The following CACNA1E variants were observed in gnomAD, a reference collection of about 807,000 sequenced individuals.
CACNA1E encodes calcium voltage-gated channel subunit alpha1 E.
A neutral mutation model predicts 259.2 loss-of-function variants in CACNA1E; 40 were observed. The observed-to-expected ratio is 0.15, with a 90% CI of 0.12 to 0.20. CACNA1E has a LOEUF of 0.20. Among genes scored for constraint, CACNA1E ranks in the 10% least tolerant of loss-of-function variants. The pLI is 1.00. For synonymous variants in CACNA1E, 1,104 were observed against 1,138.5 expected (o/e 0.97, Z 0.61); for missense variants, 1,874 against 3,040.1 (o/e 0.62, Z 9.02).
chr1:181,730,984 A>G (rs1655417902), intron 18 of CACNA1E, among the ~76,000 whole-genome samples, 191 bp from the exon 19 acceptor site: 1 of 152,236 alleles, frequency 6.6e-6, no homozygotes, highest in African/African-American at 2.4e-5. Flanking sequence ...GTATTTGCAC[A>G]TAGCAAGGAA....
intron 2 of CACNA1E, among the ~76,000 whole-genome samples, chr1:181,472,187 G>T (rs1662553023): frequency 1.5e-5 from 2 of 132,106 alleles, no homozygotes; most frequent in Non-Finnish European, 3.2e-5. Flanking sequence ...GAATGAAAAA[G>T]GGAATGAAAC....
At chr1:181,347,791 C>T (rs901740147) in intron 1 of CACNA1E, among the ~76,000 whole-genome samples, 6 of 152,278 alleles carry the variant, frequency 3.9e-5, no homozygotes, top group African/African-American at 1.4e-4. Context: ...AGCCCCTTCA[C>T]CACGAGGAGT....
chr1:181,801,930 C>G lies in CACNA1E; in HGVS notation c.*3096C>G, dbSNP rs1310491363. ...AGGTAAAAGGAGGAGGAAAGGAAAC[C>G]AAGGCAGGGAGATGTTCTAAGTAGG... is the stretch of plus-strand genomic sequence containing the variant. On this transcript the variant is annotated 3_prime_UTR_variant, in exon 48 of 48. Coordinates refer to ENST00000367573, the MANE Select transcript of CACNA1E (RefSeq NM_001205293.3). 1 of 152,012 alleles carries G rather than the reference C, an allele frequency of 6.6e-6. No homozygotes were observed. The highest frequency in any genetic ancestry group is 2.4e-5 in the African/African-American group (1 of 41,420). 9.4% of individuals were successfully genotyped at this position (152,012 alleles called of 1,614,324 possible).
In CACNA1E at chr1:181,711,299, G is replaced by A. The variant is rs147601261; in HGVS notation, c.1171+230G>A. Among the ~76,000 whole-genome samples the A allele has an allele frequency of 7.5e-3, 1,149 of 152,350 alleles. 10 individuals are homozygous for A. The highest frequency in any genetic ancestry group is 0.014 in the Middle Eastern group (4 of 294). On this transcript the variant is annotated intron_variant, in intron 8 of 47. Coordinates refer to ENST00000367573, the MANE Select transcript of CACNA1E (RefSeq NM_001205293.3). ...ACCTTAAGGCAGGCATCTTAGCAAG[G>A]TGAACTGAGTAAAAGTAACATAACC...
chr1:181,756,781 C>A, intron 29 of CACNA1E, 144 bp from the exon 30 acceptor site: 2 of 628,612 alleles, frequency 3.2e-6, no homozygotes, highest in African/African-American at 1.8e-5. Context: ...CAGGATATGA[C>A]AACTTGGGTT....
At chr1:181,567,841 A>G (rs1373744160) in intron 3 of CACNA1E, among the ~76,000 whole-genome samples, 2 of 152,210 alleles carry the variant, frequency 1.3e-5, no homozygotes, top group African/African-American at 4.8e-5. Context: ...TTAGTTGATT[A>G]AAACCTTAAG....
Position 181,562,037 on chromosome 1 carries a change from C to T in CACNA1E, c.513-15729C>T, listed in dbSNP as rs549313725. ...ATGTGCTTATTTATTCTCCTTATCT[C>T]TCATTGCTGAAGTGACCTGTTCACT... On this transcript the variant is annotated intron_variant, in intron 3 of 47. Transcript: ENST00000367573. Among the ~76,000 whole-genome samples, 6 of 152,036 alleles carry T rather than the reference C, an allele frequency of 3.9e-5. No individual in the cohort carries two copies. The South Asian group carries it at 1.0e-3, about 26-fold the overall frequency.
chr1:181,480,315 C>A (rs1419307950), upstream of CACNA1E, among the ~76,000 whole-genome samples: 1 of 152,158 alleles, frequency 6.6e-6, no homozygotes, highest in Non-Finnish European at 1.5e-5. Context: ...GCCATTTATG[C>A]CATTATGTTT....
intron 44 of CACNA1E, among the ~76,000 whole-genome samples, chr1:181,791,043 G>A (rs1349449431): frequency 6.6e-6 from 1 of 152,192 alleles, no homozygotes; most frequent in Non-Finnish European, 1.5e-5. Flanking sequence ...TGCCTGCCAG[G>A]AGGCACAGAA....
intron 2 of CACNA1E, among the ~76,000 whole-genome samples, chr1:181,419,039 C>T (rs1445371205): frequency 6.6e-6 from 1 of 152,136 alleles, no homozygotes; most frequent in African/African-American, 2.4e-5. Flanking sequence ...GCCTCCCTGC[C>T]TCTGCCCCTC....
At chr1:181,488,556 A>T (rs1308783129) in intron 1 of CACNA1E, among the ~76,000 whole-genome samples, 1 of 152,220 alleles carries the variant, frequency 6.6e-6, no homozygotes, top group Non-Finnish European at 1.5e-5. Flanking sequence ...TGTGGAAACC[A>T]GGCCATGACT....
chr1:181,366,224 C>T (rs562534280), intron 1 of CACNA1E, among the ~76,000 whole-genome samples: 3 of 152,324 alleles, frequency 2.0e-5, no homozygotes, highest in East Asian at 3.9e-4. Context: ...GCACCTCTCA[C>T]ACATGACCTC....
At chr1:181,336,792 G>A (rs1651741845) in intron 1 of CACNA1E, among the ~76,000 whole-genome samples, 1 of 151,856 alleles carries the variant, frequency 6.6e-6, no homozygotes, top group African/African-American at 2.4e-5. Context: ...TGACTACTCT[G>A]GGTATCTCAT....
chr1:181,487,713 C>G (rs557890643), intron 1 of CACNA1E, among the ~76,000 whole-genome samples: 353 of 152,322 alleles, frequency 2.3e-3, no homozygotes, highest in African/African-American at 8.2e-3. Flanking sequence ...CTGTTTCATG[C>G]CCAGGGCCAG....
chr1:181,362,157 T>G (rs1452341788), intron 1 of CACNA1E, among the ~76,000 whole-genome samples: 2 of 152,186 alleles, frequency 1.3e-5, no homozygotes, highest in Non-Finnish European at 2.9e-5. Flanking sequence ...GATCCAGCTG[T>G]TTTCTCCAGC....
At chr1:181,790,889 G>A (rs374825468) in intron 44 of CACNA1E, among the ~76,000 whole-genome samples, 2 of 152,204 alleles carry the variant, frequency 1.3e-5, no homozygotes, top group East Asian at 3.8e-4. Flanking sequence ...GCTTGAAGAT[G>A]CATCACCAGA....
chr1:181,750,519 G>A (rs182786717), intron 26 of CACNA1E, 32 bp downstream of exon 26: 78 of 1,606,588 alleles, frequency 4.9e-5, no homozygotes, highest in Admixed American at 2.5e-4. Context: ...TGAAGTAAAC[G>A]ATACAAGGAA....
At chr1:181,322,031 G>A (rs900479327) in intron 1 of CACNA1E, among the ~76,000 whole-genome samples, 2 of 152,158 alleles carry the variant, frequency 1.3e-5, no homozygotes, top group South Asian at 4.2e-4. Context: ...GGGGCTTATG[G>A]ACAGGAGTTA....
intron 3 of CACNA1E, among the ~76,000 whole-genome samples, chr1:181,531,842 G>A (rs1319523402): frequency 6.6e-6 from 1 of 152,192 alleles, no homozygotes; most frequent in African/African-American, 2.4e-5. Context: ...ATCACCTGAG[G>A]TCAGGAGTTT....
Sources: gnomAD v4.1 joint callset for allele counts (sites outside exome capture counted in the v4.1 genomes callset) on GRCh38, gnomAD v4.1.1 for gene constraint, MANE v1.5 for transcripts, NCBI Gene and HGNC (gene_info 2026-07-23, HGNC 2026-07-21) for gene names.